CDCP1: variants seen among roughly 807,000 people sequenced by gnomAD.
CDCP1 encodes CUB domain-containing protein 1.
In CDCP1, 29 loss-of-function variants were observed where a neutral mutation model predicts 60.2. That is an observed-to-expected ratio of 0.48 (90% CI 0.36 to 0.66). The LOEUF (loss-of-function observed/expected upper bound fraction) is 0.66. Ranked by LOEUF, CDCP1 falls within the 30% of genes least tolerant of loss-of-function variation. The pLI is 0.00. For missense variants in CDCP1, 876 were observed against 1,074.3 expected, an observed-to-expected ratio of 0.82 and a Z score of 2.58; for synonymous variants, 387 against 431.1, an observed-to-expected ratio of 0.90 and a Z score of 1.27.
chr3:45,087,329 C>A (rs185225345), intron 8 of CDCP1, among the ~76,000 whole-genome samples: 28 of 152,296 alleles, frequency 1.8e-4, no homozygotes, highest in Admixed American at 1.2e-3. Context: ...AACCTGCCAG[C>A]CAGCAGCCTC....
chr3:45,136,474 T>C (rs993866574), intron 1 of CDCP1, among the ~76,000 whole-genome samples: 1 of 152,238 alleles, frequency 6.6e-6, no homozygotes, highest in Non-Finnish European at 1.5e-5. Context: ...TTTGCTCTTA[T>C]AGGTGATCTC....
chr3:45,087,228 G>T (rs1698210266), intron 8 of CDCP1, among the ~76,000 whole-genome samples: 1 of 152,184 alleles, frequency 6.6e-6, no homozygotes, highest in South Asian at 2.1e-4. Flanking sequence ...CCCGCTTAGT[G>T]AACATGTTAG....
intron 4 of CDCP1, among the ~76,000 whole-genome samples, chr3:45,105,882 T>C (rs1277375133): frequency 6.6e-6 from 1 of 152,172 alleles, no homozygotes; most frequent in Non-Finnish European, 1.5e-5. Flanking sequence ...TGTGGAGCAC[T>C]TAAAAACAAG....
At position 45,141,387 on chromosome 3, in the gene CDCP1, T is replaced by C. The variant is rs148411511; in HGVS notation, c.82+4819A>G. On this transcript the variant is annotated intron_variant, in intron 1 of 8. Transcript: ENST00000296129. ...ACAGGATTGGTTAATTATACACAGG[T>C]ATCTTCCTGTTTTTCATCACACTTT... 1.2e-3 allele frequency among the ~76,000 whole-genome samples: 181 copies of C among 152,352 alleles called. 2 individuals are homozygous for C. The highest frequency in any genetic ancestry group is 3.7e-3 in the African/African-American group (153 of 41,580).
chr3:45,094,001 C>T (rs1261299252), intron 5 of CDCP1, among the ~76,000 whole-genome samples: 3 of 152,110 alleles, frequency 2.0e-5, no homozygotes, highest in Non-Finnish European at 4.4e-5. Flanking sequence ...TCACTCCACC[C>T]AGACGTGTTG....
At chr3:45,134,270 G>A (rs1037536842) in intron 1 of CDCP1, among the ~76,000 whole-genome samples, 11 of 151,952 alleles carry the variant, frequency 7.2e-5, no homozygotes, top group Admixed American at 2.0e-4. Flanking sequence ...GACTACAGGC[G>A]CCCGCCACCA....
intron 1 of CDCP1, among the ~76,000 whole-genome samples, chr3:45,126,775 C>T (rs894779672): frequency 6.6e-6 from 1 of 152,186 alleles, no homozygotes; most frequent in Non-Finnish European, 1.5e-5. Flanking sequence ...TAATATTAGG[C>T]AGCCCCGTGC....
At chr3:45,089,749 C>T (rs1453711769) in intron 7 of CDCP1, among the ~76,000 whole-genome samples, 2 of 152,152 alleles carry the variant, frequency 1.3e-5, no homozygotes, top group African/African-American at 4.8e-5. Context: ...AACTGAGGGA[C>T]CTACCAGATC....
chr3:45,144,081 A>G (rs1559404602), intron 1 of CDCP1, among the ~76,000 whole-genome samples: 1 of 152,190 alleles, frequency 6.6e-6, no homozygotes, highest in Non-Finnish European at 1.5e-5. Context: ...TCAAAAGGCT[A>G]TGATCCCAAT....
intron 1 of CDCP1, among the ~76,000 whole-genome samples, chr3:45,122,222 C>T (rs1698898445): frequency 6.7e-6 from 1 of 149,410 alleles, no homozygotes; most frequent in Non-Finnish European, 1.5e-5. Flanking sequence ...CGGCTCACTG[C>T]AACCTCCGCC....
At chr3:45,095,057 C>G (rs776517269) in intron 5 of CDCP1, among the ~76,000 whole-genome samples, 27 of 151,804 alleles carry the variant, frequency 1.8e-4, no homozygotes, top group Non-Finnish European at 2.8e-4. Flanking sequence ...CTTCAGCCTT[C>G]TGAGCAGCTG....
At chr3:45,089,476 T>G (rs1057071185) in intron 7 of CDCP1, among the ~76,000 whole-genome samples, 2 of 152,084 alleles carry the variant, frequency 1.3e-5, no homozygotes, top group Admixed American at 1.3e-4. Context: ...AAGCTAGCCA[T>G]GTAGAGATTC....
chr3:45,099,845 C>T (rs981357188), intron 4 of CDCP1, among the ~76,000 whole-genome samples: 7 of 152,004 alleles, frequency 4.6e-5, no homozygotes, highest in East Asian at 1.9e-4. Context: ...AAATTACAAC[C>T]GGTTCCTTTT....
At chr3:45,138,130 A>C (rs1699220812) in intron 1 of CDCP1, among the ~76,000 whole-genome samples, 2 of 152,240 alleles carry the variant, frequency 1.3e-5, no homozygotes, top group Admixed American at 1.3e-4. Flanking sequence ...TTAAGTTGTT[A>C]TAAAACTGGT....
intron 1 of CDCP1, among the ~76,000 whole-genome samples, chr3:45,119,099 G>GTACA (rs1201321449): frequency 6.6e-6 from 1 of 152,042 alleles, no homozygotes; most frequent in Non-Finnish European, 1.5e-5. Context: ...ACACACGTAC[G>GTACA]TACATACATA....
intron 4 of CDCP1, among the ~76,000 whole-genome samples, chr3:45,101,023 G>C (rs766309433): frequency 6.6e-6 from 1 of 152,234 alleles, no homozygotes. Flanking sequence ...GTTGGCTGCA[G>C]CTCTGGCTTA....
At position 45,091,135 on chromosome 3, in the gene CDCP1, TG is replaced by T; in HGVS notation, c.1993+37del. 1 of 1,573,896 alleles carries T rather than the reference TG, an allele frequency of 6.4e-7. No homozygotes were observed. The stretch of plus-strand genomic sequence containing the variant: ...CTCTATCCTCCAGCTGACAATTTTT[TG>T]TTCATCACTGTCCCCAAAGACCCTG... On this transcript the variant is annotated intron_variant, in intron 7 of 8. Transcript: ENST00000296129. This position sits in a 1 kb window ranked among gnomAD's most constrained non-coding sequence, Gnocchi z 4.8.
chr3:45,107,250 A>C (rs1259348819), intron 4 of CDCP1, among the ~76,000 whole-genome samples: 1 of 150,836 alleles, frequency 6.6e-6, no homozygotes, highest in Non-Finnish European at 1.5e-5. Context: ...TGTGTTGCCC[A>C]GGCTGGAGTG....
At position 45,082,634 on chromosome 3, in the gene CDCP1, T is replaced by G. The variant is rs1006886522; in HGVS notation, c.*3004A>C. 6.6e-6 allele frequency: 1 copy of G among 152,272 alleles called. No individual in the cohort carries two copies. Among genetic ancestry groups the G allele is most frequent in the African/African-American group, 2.4e-5 (1 of 41,476 alleles). 9.4% of individuals were successfully genotyped at this position (152,272 alleles called of 1,614,324 possible). ...CACTGCAGATCCACACACACCAGTC[T>G]GCTAACCTTTACCAAGGCCATGTCC... is the stretch of plus-strand genomic sequence containing the variant. On this transcript the variant is annotated 3_prime_UTR_variant, in exon 9 of 9. Coordinates refer to ENST00000296129, the MANE Select transcript of CDCP1 (RefSeq NM_022842.5).
Sources: gnomAD v4.1 joint callset for allele counts (sites outside exome capture counted in the v4.1 genomes callset) on GRCh38, gnomAD v4.1.1 for gene constraint, Gnocchi (gnomAD v3.1) non-coding constraint, MANE v1.5 for transcripts, NCBI Gene and HGNC (gene_info 2026-07-23, HGNC 2026-07-21) for gene names.